RAF1: variants seen among roughly 807,000 people sequenced by gnomAD.
The protein encoded by RAF1 is Raf-1 proto-oncogene, serine/threonine kinase, also known as RAF proto-oncogene serine/threonine-protein kinase.
A neutral mutation model predicts 81.1 loss-of-function variants in RAF1; 27 were observed. That is an observed-to-expected ratio of 0.33 (90% CI 0.25 to 0.46). RAF1 has a LOEUF of 0.46. Among genes scored for constraint, RAF1 ranks in the 20% least tolerant of loss-of-function variants. The probability of loss-of-function intolerance (pLI) is 1.00; values close to 1 mark genes in which losing one functional copy is unlikely to be tolerated. For missense variants in RAF1, 598 were observed against 826.0 expected, an observed-to-expected ratio of 0.72 and a Z score of 3.38; for synonymous variants, 298 against 294.0, an observed-to-expected ratio of 1.01 and a Z score of -0.14.
chr3:12,586,392 A>G (rs1207263410), intron 14 of RAF1, among the ~76,000 whole-genome samples: 2 of 152,210 alleles, frequency 1.3e-5, no homozygotes, highest in Non-Finnish European at 2.9e-5. Flanking sequence ...GTTTAAGTCA[A>G]ACTTGTGAGG....
intron 1 of RAF1, among the ~76,000 whole-genome samples, chr3:12,654,373 G>A (rs1025148990): frequency 2.4e-4 from 37 of 152,184 alleles, no homozygotes; most frequent in African/African-American, 7.9e-4. Flanking sequence ...AGGCCAAGGC[G>A]GGAGAATCAC....
rs71063859 is a variant in RAF1, at chr3:12,659,427, CA to C, written c.-27+4385del. On this transcript the variant is annotated intron_variant, in intron 1 of 17. Coordinates refer to ENST00000442415, the MANE Select transcript of RAF1 (RefSeq NM_001354689.3). ...TGGGCAACAGCACCAGATTTCATCT[CA>C]AAAAAAAAAAAAAAAAATTACACGC... Among the ~76,000 whole-genome samples the C allele has an allele frequency of 3.0e-3, 142 of 47,674 alleles. 4 individuals are homozygous for C. Among genetic ancestry groups the C allele is most frequent in the African/African-American group, 9.6e-3 (107 of 11,162 alleles). The allele number at this position is 47,674 out of a possible 152,430, so 31.3% of individuals were successfully genotyped here.
chr3:12,655,572 T>G (rs903914628), intron 1 of RAF1, among the ~76,000 whole-genome samples: 3 of 152,162 alleles, frequency 2.0e-5, no homozygotes, highest in African/African-American at 7.2e-5. Flanking sequence ...TCTACTCCTG[T>G]GCATTACCCT....
chr3:12,612,104 G>T, intron 2 of RAF1, 42 bp from the exon 3 acceptor site: 1 of 1,500,568 alleles, frequency 6.7e-7, no homozygotes. Flanking sequence ...ACAGGCTGCA[G>T]CACCCCTTGG....
chr3:12,603,927 A>C (rs2058943011), intron 7 of RAF1, among the ~76,000 whole-genome samples: 1 of 152,218 alleles, frequency 6.6e-6, no homozygotes. Flanking sequence ...TTTTTCAGGA[A>C]GTTTTAGTTC....
At chr3:12,655,468 G>C (rs900961735) in intron 1 of RAF1, among the ~76,000 whole-genome samples, 5 of 152,216 alleles carry the variant, frequency 3.3e-5, no homozygotes, top group African/African-American at 1.2e-4. Context: ...CTTGTGCTTT[G>C]CTGGTGGGAA....
intron 3 of RAF1, 110 bp from the exon 4 acceptor site, chr3:12,609,445 CCATACAACAATAATTTATTTAATT>C: frequency 1.4e-6 from 1 of 728,380 alleles, no homozygotes; most frequent in Non-Finnish European, 2.5e-6. Context: ...TTTATTTAAT[CCATACAACAATAATTTATTTAATT>C]CATACAACAA....
At chr3:12,590,540 G>T in intron 13 of RAF1, 1 of 492,620 alleles carries the variant, frequency 2.0e-6, no homozygotes. Context: ...GGCAAGGCTG[G>T]TCTCAAAACT....
intron 2 of RAF1, among the ~76,000 whole-genome samples, chr3:12,613,314 G>A (rs2059272737): frequency 6.6e-6 from 1 of 152,144 alleles, no homozygotes; most frequent in South Asian, 2.1e-4. Context: ...AGCAAGGAGG[G>A]CAAAACAGAG....
chr3:12,651,288 CCAATATATATAGAT>C (rs2060516317), intron 1 of RAF1, among the ~76,000 whole-genome samples: 1 of 152,096 alleles, frequency 6.6e-6, no homozygotes, highest in African/African-American at 2.4e-5. Context: ...TAATCTCATA[CCAATATATATAGAT>C]TTTTTGCAAT....
chr3:12,615,031 A>G (rs2059331849), intron 2 of RAF1, among the ~76,000 whole-genome samples: 1 of 152,254 alleles, frequency 6.6e-6, no homozygotes, highest in Non-Finnish European at 1.5e-5. Flanking sequence ...TCAGATTCCC[A>G]AATGTAGCTG....
intron 8 of RAF1, among the ~76,000 whole-genome samples, chr3:12,602,287 T>A (rs754317156): frequency 3.9e-5 from 6 of 152,250 alleles, no homozygotes; most frequent in Non-Finnish European, 8.8e-5. Context: ...TTAAAAATGC[T>A]GACTTATATG....
At chr3:12,652,820 T>C (rs1575675048) in intron 1 of RAF1, among the ~76,000 whole-genome samples, 2 of 151,508 alleles carry the variant, frequency 1.3e-5, no homozygotes, top group East Asian at 3.9e-4. Flanking sequence ...GTTATACAGC[T>C]ACTCAGGAGA....
intron 1 of RAF1, among the ~76,000 whole-genome samples, chr3:12,639,817 C>T (rs1404200353): frequency 6.6e-6 from 1 of 152,112 alleles, no homozygotes; most frequent in African/African-American, 2.4e-5. Flanking sequence ...AGATTCAGTG[C>T]CATCCCCATC....
intron 1 of RAF1, among the ~76,000 whole-genome samples, chr3:12,643,470 G>A (rs561926048): frequency 6.6e-6 from 1 of 152,308 alleles, no homozygotes; most frequent in African/African-American, 2.4e-5. Flanking sequence ...GCCGGGTGCA[G>A]TGGCTCACAC....
chr3:12,658,493 TCAGGAGGCTGAGG>T (rs1252338764), intron 1 of RAF1, among the ~76,000 whole-genome samples: 1 of 151,930 alleles, frequency 6.6e-6, no homozygotes, highest in Non-Finnish European at 1.5e-5. Flanking sequence ...TCCCAGCTAC[TCAGGAGGCTGAGG>T]CAGGAGAATC....
At chr3:12,592,038 A>C (rs2058531765) in intron 11 of RAF1, 1 of 547,990 alleles carries the variant, frequency 1.8e-6, no homozygotes, top group Non-Finnish European at 3.3e-6. Flanking sequence ...TTGGCCTCCC[A>C]AAGTGCTGGG....
At chr3:12,647,613 C>CA (rs989266413) in intron 1 of RAF1, among the ~76,000 whole-genome samples, 2 of 149,318 alleles carry the variant, frequency 1.3e-5, no homozygotes, top group African/African-American at 2.5e-5. Context: ...AACAAACAAA[C>CA]AAAACAAATA....
intron 11 of RAF1, among the ~76,000 whole-genome samples, chr3:12,597,221 C>T (rs958664701): frequency 2.0e-5 from 3 of 152,152 alleles, no homozygotes; most frequent in African/African-American, 7.2e-5. Context: ...ATCTTAAAAA[C>T]AAGTTATCTC....
Sources: allele counts gnomAD v4.1 joint callset (sites outside exome capture counted in the v4.1 genomes callset), GRCh38; gene constraint gnomAD v4.1.1; transcripts MANE v1.5; gene names NCBI Gene and HGNC (gene_info 2026-07-23, HGNC 2026-07-21).